LHFPL3: variants seen among roughly 807,000 people sequenced by gnomAD.
The protein encoded by LHFPL3 is LHFPL tetraspan subfamily member 3.
LHFPL3 carries 5 observed loss-of-function variants against 19.3 expected under a neutral mutation model. That is an observed-to-expected ratio of 0.26 (90% CI 0.14 to 0.54). The LOEUF is 0.54. Ranked by LOEUF, LHFPL3 falls within the 20% of genes least tolerant of loss-of-function variation. The pLI is 0.94. For missense variants in LHFPL3, 249 were observed against 307.4 expected (o/e 0.81, Z 1.42); for synonymous variants, 133 against 126.2 (o/e 1.05, Z -0.36).
At chr7:104,338,101 T>TA (rs1289943318) in intron 1 of LHFPL3, among the ~76,000 whole-genome samples, 2 of 134,626 alleles carry the variant, frequency 1.5e-5, no homozygotes, top group Non-Finnish European at 3.2e-5. Context: ...TTCTTTTTTT[T>TA]TTTTTTTTTT....
intron 1 of LHFPL3, among the ~76,000 whole-genome samples, chr7:104,352,648 T>C (rs1317735782): frequency 1.3e-5 from 2 of 152,230 alleles, no homozygotes; most frequent in Non-Finnish European, 2.9e-5. Context: ...GTAGGCACTA[T>C]TGAGACTTCA....
At chr7:104,381,429 A>T (rs190647325) in intron 1 of LHFPL3, among the ~76,000 whole-genome samples, 279 of 152,226 alleles carry the variant, frequency 1.8e-3, no homozygotes, top group African/African-American at 6.0e-3. Flanking sequence ...TTATCTCTTT[A>T]TTGTACATGA....
intron 1 of LHFPL3, among the ~76,000 whole-genome samples, chr7:104,372,668 T>C (rs927806517): frequency 2.6e-5 from 4 of 152,114 alleles, no homozygotes; most frequent in African/African-American, 9.7e-5. Context: ...ATTTGTAAAA[T>C]AGGAGTGATA....
chr7:104,832,584 C>G (rs1377887543), intron 2 of LHFPL3, among the ~76,000 whole-genome samples: 1 of 151,210 alleles, frequency 6.6e-6, no homozygotes, highest in African/African-American at 2.4e-5. Context: ...CAGAGCTTAC[C>G]ACCTTGTCTT....
At chr7:104,866,998 G>A (rs1366971828) in intron 2 of LHFPL3, among the ~76,000 whole-genome samples, 2 of 152,144 alleles carry the variant, frequency 1.3e-5, no homozygotes, top group Non-Finnish European at 2.9e-5. Flanking sequence ...AAGAAATGAA[G>A]GCAGAAATAA....
At chr7:104,622,830 T>A (rs1791473425) in intron 1 of LHFPL3, among the ~76,000 whole-genome samples, 1 of 152,074 alleles carries the variant, frequency 6.6e-6, no homozygotes, top group African/African-American at 2.4e-5. Flanking sequence ...TACCTAGGAG[T>A]GGGATTGCTG....
At chr7:104,611,881 A>T (rs1045202645) in intron 1 of LHFPL3, among the ~76,000 whole-genome samples, 7 of 152,216 alleles carry the variant, frequency 4.6e-5, no homozygotes, top group Non-Finnish European at 7.3e-5. Flanking sequence ...TAGATGATGC[A>T]GTCCTGTGCT....
intron 1 of LHFPL3, among the ~76,000 whole-genome samples, chr7:104,565,245 C>T (rs1790096637): frequency 6.6e-6 from 1 of 152,182 alleles, no homozygotes; most frequent in Non-Finnish European, 1.5e-5. Flanking sequence ...TTATTCAGCT[C>T]TGTGGCTCCT....
intron 1 of LHFPL3, among the ~76,000 whole-genome samples, chr7:104,357,094 G>C (rs1406940312): frequency 1.3e-5 from 2 of 152,182 alleles, no homozygotes; most frequent in Non-Finnish European, 2.9e-5. Flanking sequence ...GATTTTCATA[G>C]GTAAAGATGA....
intron 1 of LHFPL3, among the ~76,000 whole-genome samples, chr7:104,515,631 G>T (rs113596233): frequency 4.6e-5 from 7 of 152,262 alleles, no homozygotes; most frequent in Non-Finnish European, 1.0e-4. Context: ...GAATTAAAAA[G>T]GAATTGTGCT....
At chr7:104,330,868 T>G (rs1801554957) in intron 1 of LHFPL3, among the ~76,000 whole-genome samples, 1 of 152,216 alleles carries the variant, frequency 6.6e-6, no homozygotes, top group Non-Finnish European at 1.5e-5. Context: ...CTGGTTTGAC[T>G]TTGAAGAGGA....
At chr7:104,691,239 G>T (rs966353369) in intron 1 of LHFPL3, among the ~76,000 whole-genome samples, 7 of 152,336 alleles carry the variant, frequency 4.6e-5, no homozygotes, top group Middle Eastern at 3.4e-3. Flanking sequence ...ACGTAATTGG[G>T]CTTAAGCAGG....
At chr7:104,628,001 T>G (rs1230986568) in intron 1 of LHFPL3, among the ~76,000 whole-genome samples, 1 of 152,152 alleles carries the variant, frequency 6.6e-6, no homozygotes, top group East Asian at 1.9e-4. Context: ...CTGAACCAGA[T>G]CTCTATAATC....
At chr7:104,656,329 C>G (rs1309376979) in intron 1 of LHFPL3, among the ~76,000 whole-genome samples, 1 of 151,902 alleles carries the variant, frequency 6.6e-6, no homozygotes, top group African/African-American at 2.4e-5. Flanking sequence ...CCTAGTGAGG[C>G]CTGAGGAGGC....
At chr7:104,669,024 G>A in intron 1 of LHFPL3, 1 of 1,612,098 alleles carries the variant, frequency 6.2e-7, no homozygotes, top group Non-Finnish European at 8.5e-7. Flanking sequence ...CACAGACTGG[G>A]ACCTCCACCA....
At chr7:104,830,707 C>T (rs1790934693) in intron 2 of LHFPL3, among the ~76,000 whole-genome samples, 1 of 151,832 alleles carries the variant, frequency 6.6e-6, no homozygotes, top group Non-Finnish European at 1.5e-5. Context: ...TGTTTTGGTA[C>T]CAGTACCATG....
intron 1 of LHFPL3, among the ~76,000 whole-genome samples, chr7:104,420,685 G>A (rs557903345): frequency 6.7e-5 from 10 of 149,570 alleles, no homozygotes; most frequent in African/African-American, 2.2e-4. Flanking sequence ...TCAGCCTCCT[G>A]CGTAGCTGGG....
At position 104,767,010 on chromosome 7, in the gene LHFPL3, C is replaced by T. The variant is rs144206536; in HGVS notation, c.682+30099C>T. 2.8e-4 allele frequency among the ~76,000 whole-genome samples: 42 copies of T among 152,208 alleles called. No homozygotes were observed. The East Asian group carries it at 7.1e-3, about 26-fold the overall frequency. On this transcript the variant is annotated intron_variant, in intron 2 of 2. Coordinates refer to ENST00000424859, the MANE Select transcript of LHFPL3 (RefSeq NM_199000.3). Reference sequence around the variant, plus strand: ...TGCTTGTCTTTATCATAAGGAACTTCGATTTTCTTTTTAAAAAGCTGAAAG... The same window carrying T: ...TGCTTGTCTTTATCATAAGGAACTTTGATTTTCTTTTTAAAAAGCTGAAAG...
chr7:104,608,390 A>G (rs960066203), intron 1 of LHFPL3, among the ~76,000 whole-genome samples: 8 of 151,516 alleles, frequency 5.3e-5, no homozygotes, highest in South Asian at 4.2e-4. Context: ...GCAAACCATC[A>G]CAAGGACAAA....
Sources: allele counts gnomAD v4.1 joint callset (sites outside exome capture counted in the v4.1 genomes callset), GRCh38; gene constraint gnomAD v4.1.1; transcripts MANE v1.5; gene names NCBI Gene and HGNC (gene_info 2026-07-23, HGNC 2026-07-21).